The following MAML2 variants were observed in gnomAD, a reference collection of about 807,000 sequenced individuals.
The protein encoded by MAML2 is mastermind-like protein 2.
Under a neutral mutation model 96.1 loss-of-function variants are expected in MAML2, and 22 were observed. The observed-to-expected ratio is 0.23, with a 90% CI of 0.16 to 0.33. The LOEUF (loss-of-function observed/expected upper bound fraction) is 0.33, where lower values mean the gene tolerates loss of function less well. MAML2 is among the 10% of genes least tolerant of loss of function. The probability of loss-of-function intolerance (pLI) is 1.00; values close to 1 mark genes in which losing one functional copy is unlikely to be tolerated. For missense variants in MAML2, 1,367 were observed against 1,392.4 expected, an observed-to-expected ratio of 0.98 and a Z score of 0.29; for synonymous variants, 561 against 521.3, an observed-to-expected ratio of 1.08 and a Z score of -1.04.
At chr11:96,064,109 G>T (rs1859209343) in intron 2 of MAML2, among the ~76,000 whole-genome samples, 2 of 152,150 alleles carry the variant, frequency 1.3e-5, no homozygotes, top group Admixed American at 6.5e-5. Flanking sequence ...GTAATGCCAG[G>T]TTAGTACCAA....
intron 1 of MAML2, among the ~76,000 whole-genome samples, chr11:96,317,954 CA>C (rs1850696737): frequency 1.3e-5 from 2 of 152,242 alleles, no homozygotes; most frequent in African/African-American, 4.8e-5. Flanking sequence ...GACTTTAACA[CA>C]AGCTGTGAAT....
At chr11:96,076,144 C>T (rs1023354711) in intron 2 of MAML2, among the ~76,000 whole-genome samples, 3 of 152,140 alleles carry the variant, frequency 2.0e-5, no homozygotes, top group Non-Finnish European at 4.4e-5. Context: ...TCCTCATAGT[C>T]GTTTGAAATA....
chr11:96,201,016 G>C (rs1712675229), intron 1 of MAML2, among the ~76,000 whole-genome samples: 1 of 151,670 alleles, frequency 6.6e-6, no homozygotes, highest in South Asian at 2.1e-4. Context: ...TTAACTCTTG[G>C]GGGAAAAAAA....
chr11:96,092,494 A>C lies in MAML2; in HGVS notation c.1537T>G (p.Tyr513Asp). The C allele has an allele frequency of 6.2e-7, 1 of 1,603,120 alleles. No homozygotes were observed. Among genetic ancestry groups the C allele is most frequent in the Non-Finnish European group, 8.5e-7 (1 of 1,173,560 alleles). Residue 513 changes from tyrosine to aspartate, a missense_variant, in exon 2 of 5, where the codon TAC becomes GAC. By Grantham distance (160) the Tyr-to-Asp change is radical. Coordinates refer to ENST00000524717, the MANE Select transcript of MAML2 (RefSeq NM_032427.4). The surrounding 1 kb of genome is among the most constrained non-coding windows in gnomAD (Gnocchi z 4.1). ...GSGQSKVMAN[Y>D]MYKAGPSAQG... ...GCTGAGGGGCCGGCCTTGTACATGTAGTTAGCCATTACTTTCGACTGGCCG... is the reference window on the plus strand; with the variant it reads ...GCTGAGGGGCCGGCCTTGTACATGTCGTTAGCCATTACTTTCGACTGGCCG...
chr11:96,248,882 T>C (rs959600171), intron 1 of MAML2, among the ~76,000 whole-genome samples: 1 of 152,220 alleles, frequency 6.6e-6, no homozygotes, highest in African/African-American at 2.4e-5. Context: ...CAGAAGCTAA[T>C]TGTTAAATAT....
At chr11:96,314,696 T>C (rs1863603939) in intron 1 of MAML2, among the ~76,000 whole-genome samples, 1 of 152,248 alleles carries the variant, frequency 6.6e-6, no homozygotes, top group Non-Finnish European at 1.5e-5. Flanking sequence ...ATTCTAGCCC[T>C]GAGTCAACTA....
At chr11:96,244,986 G>T (rs1030362794) in intron 1 of MAML2, among the ~76,000 whole-genome samples, 1 of 152,192 alleles carries the variant, frequency 6.6e-6, no homozygotes, top group Non-Finnish European at 1.5e-5. Flanking sequence ...TCAGATGTTA[G>T]ATGTGAGATT....
At chr11:96,284,316 C>T (rs910504533) in intron 1 of MAML2, among the ~76,000 whole-genome samples, 5 of 152,196 alleles carry the variant, frequency 3.3e-5, no homozygotes, top group Non-Finnish European at 7.3e-5. Context: ...TTTTCAACCA[C>T]CCAATAAACA....
At chr11:96,203,828 C>G (rs1175879613) in intron 1 of MAML2, among the ~76,000 whole-genome samples, 3 of 152,204 alleles carry the variant, frequency 2.0e-5, no homozygotes, top group Non-Finnish European at 4.4e-5. Flanking sequence ...TCAAAAAATT[C>G]AGTGCGGTTA....
At chr11:96,186,838 T>C (rs1240047145) in intron 1 of MAML2, among the ~76,000 whole-genome samples, 1 of 152,204 alleles carries the variant, frequency 6.6e-6, no homozygotes, top group Non-Finnish European at 1.5e-5. Flanking sequence ...GCCGGGCCCC[T>C]TAACAACTAT....
At chr11:96,334,894 G>A (rs1591138229) in intron 1 of MAML2, among the ~76,000 whole-genome samples, 2 of 152,282 alleles carry the variant, frequency 1.3e-5, no homozygotes, top group African/African-American at 4.8e-5. Context: ...CTCTCTAGTT[G>A]TCCTCAACCT....
At chr11:96,212,466 G>A (rs1432123695) in intron 1 of MAML2, among the ~76,000 whole-genome samples, 1 of 152,160 alleles carries the variant, frequency 6.6e-6, no homozygotes, top group Non-Finnish European at 1.5e-5. Flanking sequence ...AGGCAATCTG[G>A]AAGGCAAAGT....
At chr11:96,241,203 T>C (rs895091340) in intron 1 of MAML2, among the ~76,000 whole-genome samples, 2 of 152,232 alleles carry the variant, frequency 1.3e-5, no homozygotes, top group Non-Finnish European at 2.9e-5. Context: ...AGTAGTACCA[T>C]ACATTGTCTT....
chr11:95,982,930 T>C (rs1857764827), intron 4 of MAML2, among the ~76,000 whole-genome samples: 1 of 152,178 alleles, frequency 6.6e-6, no homozygotes, highest in Non-Finnish European at 1.5e-5. Context: ...GCTCCATTCA[T>C]GGTGAGTGCC....
chr11:96,176,472 G>T (rs754099467), intron 1 of MAML2, among the ~76,000 whole-genome samples: 1 of 152,148 alleles, frequency 6.6e-6, no homozygotes, highest in Non-Finnish European at 1.5e-5. Flanking sequence ...AGGTAGGAGA[G>T]AGCTAAGGTA....
intron 2 of MAML2, among the ~76,000 whole-genome samples, chr11:96,046,244 G>A (rs2135761464): frequency 6.6e-6 from 1 of 152,148 alleles, no homozygotes; most frequent in Non-Finnish European, 1.5e-5. Context: ...AGGCAGGCTC[G>A]AGCCAAGAGA....
chr11:96,269,942 T>C (rs1391620014), intron 1 of MAML2, among the ~76,000 whole-genome samples: 1 of 144,232 alleles, frequency 6.9e-6, no homozygotes, highest in Non-Finnish European at 1.5e-5. Context: ...AAACCTCTCG[T>C]TAAACCTCAT....
intron 2 of MAML2, among the ~76,000 whole-genome samples, chr11:96,049,978 C>T (rs574476344): frequency 6.6e-6 from 1 of 152,254 alleles, no homozygotes; most frequent in Non-Finnish European, 1.5e-5. Context: ...CCCATCCAAC[C>T]GTGTTGGAAT....
intron 1 of MAML2, among the ~76,000 whole-genome samples, chr11:96,190,415 C>T (rs1484789896): frequency 1.3e-5 from 2 of 152,172 alleles, no homozygotes; most frequent in Non-Finnish European, 2.9e-5. Flanking sequence ...TTACTAGCCA[C>T]CTCTTTTAGA....
Sources: gnomAD v4.1 joint callset for allele counts (sites outside exome capture counted in the v4.1 genomes callset) on GRCh38, gnomAD v4.1.1 for gene constraint, Gnocchi (gnomAD v3.1) non-coding constraint, MANE v1.5 for transcripts, NCBI Gene and HGNC (gene_info 2026-07-23, HGNC 2026-07-21) for gene names.